MAP3K5: variants seen among roughly 807,000 people sequenced by gnomAD.
The protein encoded by MAP3K5 is ASK-1.
In MAP3K5, 56 loss-of-function variants were observed where a neutral mutation model predicts 158.7. The observed-to-expected ratio is 0.35, with a 90% CI of 0.28 to 0.44. MAP3K5 has a LOEUF of 0.44. Ranked by LOEUF, MAP3K5 falls within the 20% of genes least tolerant of loss-of-function variation. The probability of loss-of-function intolerance (pLI) is 1.00; values close to 1 mark genes in which losing one functional copy is unlikely to be tolerated. For synonymous variants in MAP3K5, 579 were observed against 601.7 expected, an observed-to-expected ratio of 0.96 and a Z score of 0.55; for missense variants, 1,294 against 1,674.8, an observed-to-expected ratio of 0.77 and a Z score of 3.97.
At chr6:136,659,737 T>C (rs1243826045) in intron 8 of MAP3K5, among the ~76,000 whole-genome samples, 1 of 151,826 alleles carries the variant, frequency 6.6e-6, no homozygotes, top group Non-Finnish European at 1.5e-5. Flanking sequence ...TGAGGACTGA[T>C]AGTTTAACGT....
At chr6:136,782,583 T>C (rs58408342) in intron 1 of MAP3K5, among the ~76,000 whole-genome samples, 5,803 of 152,260 alleles carry the variant, frequency 0.038, 393 homozygotes, top group African/African-American at 0.13. Context: ...GTATGAATCA[T>C]ATACCAAAGG....
chr6:136,729,445 A>G (rs1324668734), intron 1 of MAP3K5, among the ~76,000 whole-genome samples: 1 of 152,240 alleles, frequency 6.6e-6, no homozygotes, highest in East Asian at 1.9e-4. Flanking sequence ...TAGGCACAGT[A>G]AACTCACCAT....
intron 25 of MAP3K5, among the ~76,000 whole-genome samples, chr6:136,577,838 T>C (rs1774687686): frequency 6.6e-6 from 1 of 152,274 alleles, no homozygotes; most frequent in Non-Finnish European, 1.5e-5. Context: ...GTATAAACTA[T>C]TAACTAAACT....
intron 1 of MAP3K5, among the ~76,000 whole-genome samples, chr6:136,727,483 C>A (rs1289264312): frequency 1.3e-5 from 2 of 152,196 alleles, no homozygotes; most frequent in East Asian, 3.8e-4. Flanking sequence ...TCTTCACTGA[C>A]TCACTTCCTA....
rs111601828 is a variant in MAP3K5 at position 136,719,133 on chromosome 6, G to A, written c.588+1317C>T. Among the ~76,000 whole-genome samples the A allele has an allele frequency of 2.6e-3, 401 of 152,202 alleles. 1 individual carries two copies. Among genetic ancestry groups the A allele is most frequent in the African/African-American group, 9.0e-3 (375 of 41,530 alleles). On this transcript the variant is annotated intron_variant, in intron 2 of 29. Transcript: ENST00000359015. ...CATGGCTGCAGTGAGCTGTGATCACGACACTGCATTCCAGCCTGGGTGAGA... is the reference window on the plus strand; with the variant it reads ...CATGGCTGCAGTGAGCTGTGATCACAACACTGCATTCCAGCCTGGGTGAGA...
intron 24 of MAP3K5, 84 bp downstream of exon 24, chr6:136,583,471 G>C (rs752621844): frequency 7.4e-5 from 95 of 1,287,452 alleles, no homozygotes; most frequent in Non-Finnish European, 9.8e-5. Context: ...AATTTTAAAA[G>C]AAAAATAACA....
intron 15 of MAP3K5, among the ~76,000 whole-genome samples, chr6:136,615,238 A>T (rs1198263358): frequency 6.6e-6 from 1 of 152,238 alleles, no homozygotes; most frequent in Non-Finnish European, 1.5e-5. Flanking sequence ...CAATCAAAAT[A>T]GGAGGTCCGC....
intron 1 of MAP3K5, among the ~76,000 whole-genome samples, chr6:136,737,080 T>C (rs1161316127): frequency 1.4e-5 from 2 of 147,866 alleles, no homozygotes; most frequent in East Asian, 3.9e-4. Context: ...ATTATATAAA[T>C]GTCTCTTTAA....
intron 14 of MAP3K5, chr6:136,636,772 G>C: frequency 1.1e-6 from 1 of 924,730 alleles, no homozygotes; most frequent in Non-Finnish European, 1.3e-6. Flanking sequence ...ACGAGAACAA[G>C]TCTCTATAAA....
At chr6:136,627,605 T>A (rs1484005940) in intron 14 of MAP3K5, among the ~76,000 whole-genome samples, 1 of 152,172 alleles carries the variant, frequency 6.6e-6, no homozygotes, top group Non-Finnish European at 1.5e-5. Flanking sequence ...AGAGCTCTCA[T>A]GAATGGGATT....
intron 19 of MAP3K5, among the ~76,000 whole-genome samples, chr6:136,604,273 G>T (rs542020900): frequency 6.6e-6 from 1 of 151,292 alleles, no homozygotes; most frequent in African/African-American, 2.4e-5. Flanking sequence ...AGTGAGCCGA[G>T]ATCGCGCCAC....
chr6:136,777,587 C>T (rs1413138116), intron 1 of MAP3K5, among the ~76,000 whole-genome samples: 2 of 152,122 alleles, frequency 1.3e-5, no homozygotes, highest in Non-Finnish European at 2.9e-5. Flanking sequence ...GACTCAAAAA[C>T]AATCAGAAAT....
chr6:136,687,971 CAT>C (rs1208775334), intron 7 of MAP3K5, among the ~76,000 whole-genome samples: 1 of 152,086 alleles, frequency 6.6e-6, no homozygotes, highest in Admixed American at 6.6e-5. Context: ...CATGCACACA[CAT>C]GTTTATTGCA....
At position 136,705,145 on chromosome 6, in the gene MAP3K5, GA is replaced by G. The variant is rs750942902; in HGVS notation, c.589-13del. The G allele has an allele frequency of 1.1e-4, 121 of 1,149,224 alleles. No homozygotes were observed. The highest frequency in any genetic ancestry group is 1.5e-4 in the Admixed American group (6 of 40,516). 71.2% of individuals were successfully genotyped at this position (1,149,224 alleles called of 1,614,324 possible). A position where few individuals can be genotyped will look rare whatever the true frequency, so the allele number is the denominator to read the frequency against. ...TGGCAAATTATTTCCTGAAAAACAAGAAAAAAAATATACCACAAGTTAATAC... is the reference window on the plus strand; with the variant it reads ...TGGCAAATTATTTCCTGAAAAACAAGAAAAAAATATACCACAAGTTAATAC... On this transcript the variant is annotated splice_polypyrimidine_tract_variant and intron_variant, in intron 2 of 29. Coordinates refer to ENST00000359015, the MANE Select transcript of MAP3K5 (RefSeq NM_005923.4).
At chr6:136,622,696 G>A (rs1327432272) in intron 15 of MAP3K5, 152 bp downstream of exon 15, 7 of 795,200 alleles carry the variant, frequency 8.8e-6, no homozygotes, top group Non-Finnish European at 1.2e-5. Flanking sequence ...TTCAAACACT[G>A]AATGATGCAG....
intron 1 of MAP3K5, among the ~76,000 whole-genome samples, chr6:136,732,089 A>G (rs1225475601): frequency 6.6e-6 from 1 of 152,166 alleles, no homozygotes; most frequent in Non-Finnish European, 1.5e-5. Context: ...ATGACAGAGG[A>G]GAAAAGTCAA....
intron 7 of MAP3K5, among the ~76,000 whole-genome samples, chr6:136,678,487 T>TATA (rs1779796009): frequency 6.6e-6 from 1 of 152,138 alleles, no homozygotes; most frequent in South Asian, 2.1e-4. Context: ...TATGTAAATC[T>TATA]ATACATAAAG....
chr6:136,760,307 C>T (rs1036764787), intron 1 of MAP3K5, among the ~76,000 whole-genome samples: 7 of 152,106 alleles, frequency 4.6e-5, no homozygotes, highest in Admixed American at 4.6e-4. Flanking sequence ...AAACATAAGG[C>T]CATTTAGTAC....
intron 1 of MAP3K5, among the ~76,000 whole-genome samples, chr6:136,728,682 G>C (rs772590430): frequency 6.6e-6 from 1 of 152,130 alleles, no homozygotes; most frequent in Non-Finnish European, 1.5e-5. Context: ...TGTATGCATG[G>C]TGATTCAAAC....
Sources: allele counts gnomAD v4.1 joint callset (sites outside exome capture counted in the v4.1 genomes callset), GRCh38; gene constraint gnomAD v4.1.1; transcripts MANE v1.5; gene names NCBI Gene and HGNC (gene_info 2026-07-23, HGNC 2026-07-21).